ATP2B2: variants seen among roughly 807,000 people sequenced by gnomAD.
ATP2B2 encodes plasma membrane calcium-transporting ATPase 2.
In ATP2B2, 15 loss-of-function variants were observed where a neutral mutation model predicts 120.0. The observed-to-expected ratio is 0.12, with a 90% CI of 0.08 to 0.19. The LOEUF (loss-of-function observed/expected upper bound fraction) is 0.19, where lower values mean the gene tolerates loss of function less well. Ranked by LOEUF, ATP2B2 falls within the 10% of genes least tolerant of loss-of-function variation. ATP2B2 has a pLI of 1.00. For synonymous variants in ATP2B2, 694 were observed against 700.3 expected, an observed-to-expected ratio of 0.99 and a Z score of 0.14; for missense variants, 1,045 against 1,719.8, an observed-to-expected ratio of 0.61 and a Z score of 6.94.
chr3:10,570,292 G>A (rs1006360841), intron 2 of ATP2B2: 1 of 152,222 alleles, frequency 6.6e-6, no homozygotes, highest in African/African-American at 2.4e-5. Context: ...CTAATTACAA[G>A]CTGACATTTT....
At chr3:10,675,180 A>G (rs539184362) in intron 1 of ATP2B2, among the ~76,000 whole-genome samples, 1 of 152,370 alleles carries the variant, frequency 6.6e-6, no homozygotes, top group African/African-American at 2.4e-5. Context: ...AAAAGTGACT[A>G]GATACTGCAG....
chr3:10,644,478 T>C (rs1288661102), intron 1 of ATP2B2, among the ~76,000 whole-genome samples: 1 of 152,182 alleles, frequency 6.6e-6, no homozygotes, highest in South Asian at 2.1e-4. Context: ...ACAACAGCGC[T>C]GTTCACAAAA....
At position 10,346,022 on chromosome 3, in the gene ATP2B2, C is replaced by T. The variant is rs755374359; in HGVS notation, c.2511+9G>A. 8.1e-6 allele frequency: 13 copies of T among 1,608,932 alleles called. No homozygotes were observed. The highest frequency in any genetic ancestry group is 1.7e-5 in the Admixed American group (1 of 59,892). On this transcript the variant is annotated intron_variant, in intron 17 of 22. Coordinates refer to ENST00000360273, the MANE Select transcript of ATP2B2 (RefSeq NM_001001331.4). The surrounding 1 kb of genome is among the most constrained non-coding windows in gnomAD (Gnocchi z 4.1). Reference sequence around the variant, plus strand: ...CCACCACCCCAGGCCCTCTGTGGGCCGTTCCTACCATGGCGAAGCCCACGT... The same window carrying T: ...CCACCACCCCAGGCCCTCTGTGGGCTGTTCCTACCATGGCGAAGCCCACGT...
chr3:10,367,407 C>T (rs902788106), intron 12 of ATP2B2, among the ~76,000 whole-genome samples: 2 of 152,002 alleles, frequency 1.3e-5, no homozygotes, highest in Non-Finnish European at 2.9e-5. Flanking sequence ...GGGAATGGTC[C>T]TATTTGGCCA....
At chr3:10,331,213 C>A (rs539271941) in intron 22 of ATP2B2, among the ~76,000 whole-genome samples, 1 of 152,340 alleles carries the variant, frequency 6.6e-6, no homozygotes, top group East Asian at 1.9e-4. Context: ...CCCCTGGAGT[C>A]CCTCTTTGTG....
chr3:10,349,318 G>T (rs971300286), intron 16 of ATP2B2, among the ~76,000 whole-genome samples: 1 of 152,166 alleles, frequency 6.6e-6, no homozygotes, highest in Non-Finnish European at 1.5e-5. Context: ...ATCCAGGCAC[G>T]TTGACACATG....
intron 1 of ATP2B2, among the ~76,000 whole-genome samples, chr3:10,644,876 A>C (rs770430726): frequency 6.6e-6 from 1 of 152,254 alleles, no homozygotes; most frequent in Admixed American, 6.5e-5. Flanking sequence ...ATTTCCTTTA[A>C]AATGGTTAAT....
chr3:10,504,857 C>A (rs148741184), intron 1 of ATP2B2, among the ~76,000 whole-genome samples: 37 of 152,272 alleles, frequency 2.4e-4, no homozygotes, highest in African/African-American at 8.9e-4. Flanking sequence ...GTTCCTGCCA[C>A]CCTCCTGGCC....
intron 1 of ATP2B2, among the ~76,000 whole-genome samples, chr3:10,486,405 T>C (rs73119473): frequency 0.05 from 7,515 of 151,256 alleles, 640 homozygotes; most frequent in African/African-American, 0.17. Flanking sequence ...CAGCCCCAAA[T>C]TCCACAGGGT....
At chr3:10,533,842 T>A (rs528690377) in intron 3 of ATP2B2, among the ~76,000 whole-genome samples, 1 of 152,352 alleles carries the variant, frequency 6.6e-6, no homozygotes, top group African/African-American at 2.4e-5. Context: ...TCAAATGCCA[T>A]AGGGCTTCCA....
intron 1 of ATP2B2, among the ~76,000 whole-genome samples, chr3:10,481,536 A>C (rs2065413658): frequency 1.3e-5 from 2 of 152,024 alleles, no homozygotes; most frequent in African/African-American, 4.8e-5. Context: ...ACTCTGCTAT[A>C]TTCTATTTTA....
intron 2 of ATP2B2, among the ~76,000 whole-genome samples, chr3:10,442,677 T>A (rs2125148844): frequency 6.6e-6 from 1 of 152,328 alleles, no homozygotes; most frequent in Non-Finnish European, 1.5e-5. Flanking sequence ...ACATTTTTTT[T>A]AACCAAGACT....
intron 2 of ATP2B2, among the ~76,000 whole-genome samples, chr3:10,596,414 C>T (rs2068765678): frequency 6.6e-6 from 1 of 152,206 alleles, no homozygotes; most frequent in Admixed American, 6.5e-5. Context: ...GAATGAACTT[C>T]GTAACCGGTC....
At position 10,489,082 on chromosome 3, in the gene ATP2B2, A is replaced by T. The variant is rs185651724; in HGVS notation, c.-320+16383T>A. Among the ~76,000 whole-genome samples, 93 of 152,260 alleles carry T rather than the reference A, an allele frequency of 6.1e-4. 1 individual carries two copies. Among genetic ancestry groups the T allele is most frequent in the African/African-American group, 2.1e-3 (88 of 41,558 alleles). On this transcript the variant is annotated intron_variant, in intron 1 of 22. Coordinates refer to ENST00000360273, the MANE Select transcript of ATP2B2 (RefSeq NM_001001331.4). ...AACTCACTGAGCATGTCCCCATGTCAGGGCCTTTGCACTGGCCATTCCTTA... is the reference window on the plus strand; with the variant it reads ...AACTCACTGAGCATGTCCCCATGTCTGGGCCTTTGCACTGGCCATTCCTTA...
chr3:10,583,706 G>C (rs2068443001), intron 2 of ATP2B2, among the ~76,000 whole-genome samples: 1 of 152,238 alleles, frequency 6.6e-6, no homozygotes, highest in Non-Finnish European at 1.5e-5. Context: ...GATGAGGAAA[G>C]TGAGGCCTTA....
In ATP2B2 at chr3:10,520,786, C is replaced by T. The variant is rs114196053; in HGVS notation, c.-320+13253G>A. ...TTTTTTTTTTCTTTTTTTTCTTTGC[C>T]TACCCAAATAAAAAAGAGTGCCTTT... On this transcript the variant is annotated intron_variant, in intron 3 of 21. Transcript: ENST00000646379. 5.0e-3 allele frequency among the ~76,000 whole-genome samples: 748 copies of T among 150,620 alleles called. 4 individuals carry two copies. The highest frequency in any genetic ancestry group is 0.017 in the African/African-American group (703 of 40,906).
At chr3:10,629,068 G>T (rs966198802) in intron 1 of ATP2B2, among the ~76,000 whole-genome samples, 3 of 152,178 alleles carry the variant, frequency 2.0e-5, no homozygotes, top group African/African-American at 7.2e-5. Flanking sequence ...GGGCACAGCC[G>T]GGCCTTCTGG....
intron 12 of ATP2B2, among the ~76,000 whole-genome samples, chr3:10,361,169 A>T (rs1050613196): frequency 6.6e-6 from 1 of 152,216 alleles, no homozygotes; most frequent in Non-Finnish European, 1.5e-5. Flanking sequence ...GGTTGAACCA[A>T]TGGAAACTGC....
chr3:10,358,550 G>A (rs1217255858), intron 14 of ATP2B2, 141 bp downstream of exon 14: 4 of 874,122 alleles, frequency 4.6e-6, no homozygotes, highest in Non-Finnish European at 7.4e-6. Context: ...ATCCTCTTAT[G>A]AGGATCAAGG....
Sources: gnomAD v4.1 joint callset for allele counts (sites outside exome capture counted in the v4.1 genomes callset) on GRCh38, gnomAD v4.1.1 for gene constraint, Gnocchi (gnomAD v3.1) non-coding constraint, MANE v1.5 for transcripts, NCBI Gene and HGNC (gene_info 2026-07-23, HGNC 2026-07-21) for gene names.